Variants in ESRRG observed in about 807,000 individuals in gnomAD.
ESRRG encodes the protein estrogen-related receptor gamma.
ESRRG carries 13 observed loss-of-function variants against 44.0 expected under a neutral mutation model. The ratio of observed to expected loss-of-function variants is 0.30; its 90% confidence interval spans 0.19 to 0.47. The LOEUF (loss-of-function observed/expected upper bound fraction) is 0.47, where lower values mean the gene tolerates loss of function less well. ESRRG is among the 20% of genes least tolerant of loss of function. The pLI is 1.00. For synonymous variants in ESRRG, 215 were observed against 214.6 expected (o/e 1.00, Z -0.02); for missense variants, 395 against 580.6 (o/e 0.68, Z 3.29).
chr1:217,038,363 A>T (rs2083283297), intron 1 of ESRRG, among the ~76,000 whole-genome samples: 3 of 152,148 alleles, frequency 2.0e-5, no homozygotes, highest in Non-Finnish European at 4.4e-5. Context: ...CAGTCTCAAC[A>T]CCATTAGCTC....
At chr1:217,044,495 C>A (rs1277877580) in intron 1 of ESRRG, among the ~76,000 whole-genome samples, 4 of 152,108 alleles carry the variant, frequency 2.6e-5, no homozygotes, top group Non-Finnish European at 5.9e-5. Context: ...CTTGTTGGTT[C>A]CTAACGTAAT....
intron 2 of ESRRG, among the ~76,000 whole-genome samples, chr1:216,759,014 G>A (rs1466461387): frequency 1.3e-5 from 2 of 151,950 alleles, no homozygotes; most frequent in African/African-American, 4.8e-5. Flanking sequence ...CACACTGCTG[G>A]TACCATCATT....
At chr1:216,780,955 A>T (rs1053684605) in intron 2 of ESRRG, among the ~76,000 whole-genome samples, 4 of 152,052 alleles carry the variant, frequency 2.6e-5, no homozygotes, top group Admixed American at 6.6e-5. Flanking sequence ...TGGATCCTGT[A>T]CCTTTCTACT....
chr1:216,853,406 T>C (rs2095870238), intron 2 of ESRRG, among the ~76,000 whole-genome samples: 1 of 152,210 alleles, frequency 6.6e-6, no homozygotes, highest in Admixed American at 6.5e-5. Context: ...AATCATAAAG[T>C]CCAAATTCCC....
intron 1 of ESRRG, among the ~76,000 whole-genome samples, chr1:216,695,148 T>G (rs144007674): frequency 0.01 from 1,574 of 152,190 alleles, 23 homozygotes; most frequent in African/African-American, 0.036. Context: ...ATTCTACAAA[T>G]AATATATAAT....
intron 1 of ESRRG, among the ~76,000 whole-genome samples, chr1:216,681,413 A>C (rs976627901): frequency 6.6e-6 from 1 of 152,114 alleles, no homozygotes; most frequent in African/African-American, 2.4e-5. Flanking sequence ...CATTTACATT[A>C]GGTATATCTC....
chr1:217,106,779 C>A (rs1320835446), intron 1 of ESRRG, among the ~76,000 whole-genome samples: 1 of 152,182 alleles, frequency 6.6e-6, no homozygotes, highest in East Asian at 1.9e-4. Flanking sequence ...CCTTGACAAC[C>A]TCCTTTGCCT....
intron 1 of ESRRG, among the ~76,000 whole-genome samples, chr1:216,955,563 T>G (rs969151436): frequency 6.6e-6 from 1 of 152,152 alleles, no homozygotes; most frequent in African/African-American, 2.4e-5. Flanking sequence ...TACACAGTAG[T>G]GGGATTGCTG....
chr1:216,614,925 A>G (rs893447917), intron 3 of ESRRG, among the ~76,000 whole-genome samples: 1 of 152,270 alleles, frequency 6.6e-6, no homozygotes, highest in Admixed American at 6.5e-5. Flanking sequence ...AGAAATGCAC[A>G]ATAGAACCCA....
chr1:216,944,644 G>C (rs952121151), intron 1 of ESRRG, among the ~76,000 whole-genome samples: 6 of 152,078 alleles, frequency 3.9e-5, no homozygotes, highest in Non-Finnish European at 8.8e-5. Flanking sequence ...TACCAGTAAG[G>C]AAAGGGAAGT....
chr1:216,933,500 C>T (rs1290916871), intron 2 of ESRRG, among the ~76,000 whole-genome samples: 1 of 152,080 alleles, frequency 6.6e-6, no homozygotes, highest in Non-Finnish European at 1.5e-5. Context: ...AATACTCCCT[C>T]CATGGCTGAT....
intron 5 of ESRRG, among the ~76,000 whole-genome samples, chr1:216,547,040 T>C (rs2054729296): frequency 6.6e-6 from 1 of 151,556 alleles, no homozygotes; most frequent in African/African-American, 2.4e-5. Context: ...CACTTATGAG[T>C]GGGTGAGAAC....
At position 216,822,622 on chromosome 1, in the gene ESRRG, A is replaced by G. The variant is rs542807073; in HGVS notation, c.-14+116960T>C. 1.2e-4 allele frequency among the ~76,000 whole-genome samples: 18 copies of G among 152,294 alleles called. No individual in the cohort carries two copies. The South Asian group carries it at 3.7e-3, about 32-fold the overall frequency. On this transcript the variant is annotated intron_variant, in intron 2 of 7. Coordinates refer to the ESRRG transcript ENST00000359162. ...AATTAGGCAGGTGTGTGGAAGGCTTATCTTTAAGTCATCAAGGATTTCTGC... is the reference window on the plus strand; with the variant it reads ...AATTAGGCAGGTGTGTGGAAGGCTTGTCTTTAAGTCATCAAGGATTTCTGC...
intron 2 of ESRRG, among the ~76,000 whole-genome samples, chr1:216,788,019 G>T (rs1174755636): frequency 1.3e-5 from 2 of 152,060 alleles, no homozygotes; most frequent in South Asian, 4.1e-4. Flanking sequence ...GAAAAGTTGG[G>T]GCTATCACGC....
chr1:216,831,155 G>C lies in ESRRG; in HGVS notation c.-14+108427C>G, dbSNP rs568746241. Among the ~76,000 whole-genome samples the C allele has an allele frequency of 2.0e-5, 3 of 152,060 alleles. No homozygotes were observed. In the South Asian group the frequency reaches 6.2e-4, roughly 32 times the overall value. On this transcript the variant is annotated intron_variant, in intron 2 of 7. Transcript: ENST00000359162. ...GCATTCTTATTAAATATTTCAAAGGGGGGAGGGGAAGGAGGAGGAGGAGTT... is the reference window on the plus strand; with the variant it reads ...GCATTCTTATTAAATATTTCAAAGGCGGGAGGGGAAGGAGGAGGAGGAGTT...
intron 1 of ESRRG, among the ~76,000 whole-genome samples, chr1:217,054,372 C>T (rs961526218): frequency 2.0e-5 from 3 of 152,170 alleles, no homozygotes; most frequent in South Asian, 2.1e-4. Context: ...TATTTAACCT[C>T]ATATGGGCTT....
intron 1 of ESRRG, among the ~76,000 whole-genome samples, chr1:217,076,424 A>AT (rs1209309808): frequency 6.6e-6 from 1 of 152,036 alleles, no homozygotes; most frequent in East Asian, 1.9e-4. Flanking sequence ...CAATTTGCTC[A>AT]TTTTTCTCGG....
chr1:216,504,665 T>C lies in ESRRG; in HGVS notation c.*2274A>G, dbSNP rs754791462. The C allele has an allele frequency of 1.3e-5, 2 of 152,604 alleles. No homozygotes were observed. Among genetic ancestry groups the C allele is most frequent in the Non-Finnish European group, 2.9e-5 (2 of 68,022 alleles). The allele number at this position is 152,604 out of a possible 1,614,324, so 9.5% of individuals were successfully genotyped here. ...CGAGTTAATAACAACATCTGAGAGA[T>C]GATTGAGTGAAAGCCATATATACAG... is the stretch of plus-strand genomic sequence containing the variant. On this transcript the variant is annotated 3_prime_UTR_variant, in exon 7 of 7. Transcript: ENST00000408911.
At position 216,723,278 on chromosome 1, in the gene ESRRG, G is replaced by A; in HGVS notation, c.22C>T (p.Leu8Phe). 6.2e-7 allele frequency: 1 copy of A among 1,613,522 alleles called. No individual in the cohort carries two copies. Among genetic ancestry groups the A allele is most frequent in the Non-Finnish European group, 8.5e-7 (1 of 1,179,916 alleles). The change falls in exon 1 of 7, where the codon CTT (leucine) becomes TTT (phenylalanine). Residue 8 changes from leucine (L) to phenylalanine (F), a missense_variant. Leu to Phe is a conservative substitution (Grantham distance 22). This residue lies in a region of ESRRG where 148 missense variants were observed against 150.4 expected (regional missense o/e 0.98). Transcript: ENST00000408911. MDSVELC[L>F]PESFSLHYEE... is the part of the protein sequence containing the mutation. ...TAGTGCAGGGAAAAAGATTCAGGAA[G>A]GCAAAGTTCTACCGAATCCATGTGC...
Sources: gnomAD v4.1 joint callset for allele counts (sites outside exome capture counted in the v4.1 genomes callset) on GRCh38, gnomAD v4.1.1 for gene constraint, gnomAD v4.1.1 regional missense constraint, MANE v1.5 for transcripts, NCBI Gene and HGNC (gene_info 2026-07-23, HGNC 2026-07-21) for gene names.